GGH: variants seen among roughly 807,000 people sequenced by gnomAD.
The protein encoded by GGH is gamma-glutamyl hydrolase.
In GGH, 18 loss-of-function variants were observed where a neutral mutation model predicts 39.2. The ratio of observed to expected loss-of-function variants is 0.46; its 90% CI spans 0.32 to 0.68. The LOEUF is 0.68. GGH is among the 30% of genes least tolerant of loss of function. The pLI is 0.04. For synonymous variants in GGH, 147 were observed against 138.8 expected, an observed-to-expected ratio of 1.06 and a Z score of -0.42; for missense variants, 367 against 384.1, an observed-to-expected ratio of 0.96 and a Z score of 0.37.
In GGH at chr8:63,016,386, G is replaced by A. The variant is rs1585664257; in HGVS notation, c.836-933C>T. 2.0e-5 allele frequency among the ~76,000 whole-genome samples: 3 copies of A among 152,166 alleles called. No homozygotes were observed. The East Asian group carries it at 5.8e-4, about 29-fold the overall frequency. ...CTCAGCTCTGCATGATTCTAAAGCA[G>A]AGTGAACTCAGTAGGAAGTACTTGA... On this transcript the variant is annotated intron_variant, in intron 8 of 8. Transcript: ENST00000260118.
In GGH at chr8:63,038,686, C is replaced by T; in HGVS notation, c.83G>A (p.Gly28Asp). ...AASLELSRPH[G>D]DTAKKPIIGI... Reference sequence around the variant, plus strand: ...GATGATGGGCTTCTTGGCGGTGTCGCCGTGGGGTCTAGACAGCTCGAGGCT... The same window carrying T: ...GATGATGGGCTTCTTGGCGGTGTCGTCGTGGGGTCTAGACAGCTCGAGGCT... The change falls in exon 1 of 9, where the codon GGC (glycine) becomes GAC (aspartate). Residue 28 changes from glycine to aspartate, a missense_variant. Coordinates refer to ENST00000260118, the MANE Select transcript of GGH (RefSeq NM_003878.3). 1 of 1,548,362 alleles carries T rather than the reference C, an allele frequency of 6.5e-7. No individual in the cohort carries two copies. Among genetic ancestry groups the T allele is most frequent in the South Asian group, 1.2e-5 (1 of 83,734 alleles).
intron 7 of GGH, among the ~76,000 whole-genome samples, chr8:63,020,016 T>C (rs1338701809): frequency 6.6e-6 from 1 of 152,254 alleles, no homozygotes; most frequent in Non-Finnish European, 1.5e-5. Flanking sequence ...TTAAACTTGA[T>C]AGAGCTTATT....
intron 2 of GGH, among the ~76,000 whole-genome samples, chr8:63,035,042 C>G (rs959432682): frequency 2.0e-5 from 3 of 152,000 alleles, no homozygotes; most frequent in African/African-American, 4.8e-5. Flanking sequence ...CCCCCAACCA[C>G]TTTAGATTAT....
intron 7 of GGH, among the ~76,000 whole-genome samples, chr8:63,023,002 T>C (rs1804621955): frequency 6.6e-6 from 1 of 152,234 alleles, no homozygotes; most frequent in Non-Finnish European, 1.5e-5. Flanking sequence ...CAAGTTCTCA[T>C]TCACAGTGCT....
Position 63,023,971 on chromosome 8 carries a change from CTTT to C in GGH, c.630_632del (p.Lys212del). ...TTGTAGTTAAGACATTGAAAAACTT[CTTT>C]AACTTTTCATTCATTGTAAAATTCT... On this transcript the variant is annotated inframe_deletion, in exon 7 of 9. Coordinates refer to ENST00000260118, the MANE Select transcript of GGH (RefSeq NM_003878.3). The C allele has an allele frequency of 1.3e-6, 2 of 1,591,406 alleles. No homozygotes were observed. The highest frequency in any genetic ancestry group is 1.7e-6 in the Non-Finnish European group (2 of 1,165,784).
chr8:63,026,079 G>A (rs1207179297), intron 5 of GGH, 79 bp downstream of exon 5: 31 of 1,099,154 alleles, frequency 2.8e-5, no homozygotes, highest in East Asian at 1.1e-4. Context: ...ATAAAAATAA[G>A]CACTTTTACT....
At chr8:63,032,108 A>G (rs1406919747) in intron 2 of GGH, among the ~76,000 whole-genome samples, 5 of 152,138 alleles carry the variant, frequency 3.3e-5, no homozygotes, top group Non-Finnish European at 5.9e-5. Flanking sequence ...ATCTCAGCTC[A>G]CTGTAACCTC....
At chr8:63,020,276 T>G (rs1242931219) in intron 7 of GGH, among the ~76,000 whole-genome samples, 1 of 151,910 alleles carries the variant, frequency 6.6e-6, no homozygotes, top group Non-Finnish European at 1.5e-5. Flanking sequence ...ATTTTGGAGG[T>G]GGGAGAAAAT....
rs530977633 is a variant in GGH, at chr8:63,021,394, G to A, written c.697+2513C>T. On this transcript the variant is annotated intron_variant, in intron 7 of 8. Transcript: ENST00000260118. Reference sequence around the variant, plus strand: ...TTTAACCAATGAATAAAACTGCCAGGTAACAAAACTGGAAAATGTTTGATT... The same window carrying A: ...TTTAACCAATGAATAAAACTGCCAGATAACAAAACTGGAAAATGTTTGATT... Among the ~76,000 whole-genome samples the A allele has an allele frequency of 3.9e-5, 6 of 152,260 alleles. No individual in the cohort carries two copies. The South Asian group carries it at 1.2e-3, about 32-fold the overall frequency.
In GGH at chr8:63,022,987, C is replaced by G. The variant is rs527328232; in HGVS notation, c.697+920G>C. On this transcript the variant is annotated intron_variant, in intron 7 of 8. Coordinates refer to ENST00000260118, the MANE Select transcript of GGH (RefSeq NM_003878.3). ...GCAGGTCTGCTTCCACATCTGTTAT[C>G]TCTGCAAGTTCTCATTCACAGTGCT... is the stretch of plus-strand genomic sequence containing the variant. Among the ~76,000 whole-genome samples the G allele has an allele frequency of 2.0e-5, 3 of 152,262 alleles. No individual in the cohort carries two copies. In the East Asian group the frequency reaches 5.8e-4, roughly 29 times the overall value.
At chr8:63,030,616 T>C (rs12676348) in intron 2 of GGH, among the ~76,000 whole-genome samples, 11,688 of 152,232 alleles carry the variant, frequency 0.077, 751 homozygotes, top group East Asian at 0.34. Flanking sequence ...CCTATTTAAC[T>C]ACAGGAAGCT....
At chr8:63,016,279 C>T (rs1263310152) in intron 8 of GGH, among the ~76,000 whole-genome samples, 1 of 152,122 alleles carries the variant, frequency 6.6e-6, no homozygotes, top group Non-Finnish European at 1.5e-5. Flanking sequence ...TCCACGCACT[C>T]ATGAAAATGT....
chr8:63,019,265 G>A lies in GGH; in HGVS notation c.698-1635C>T, dbSNP rs182161806. Among the ~76,000 whole-genome samples, 15 of 152,290 alleles carry A rather than the reference G, an allele frequency of 9.8e-5. No individual in the cohort carries two copies. In the East Asian group the frequency reaches 1.4e-3, roughly 14 times the overall value. Reference sequence around the variant, plus strand: ...GTTCGTGTCTTAACTGAAGAAGATCGCAAATAAACAGCAGAACCAACAGCC... The same window carrying A: ...GTTCGTGTCTTAACTGAAGAAGATCACAAATAAACAGCAGAACCAACAGCC... On this transcript the variant is annotated intron_variant, in intron 7 of 8. Transcript: ENST00000260118.
At chr8:63,033,288 T>C (rs1173534209) in intron 2 of GGH, among the ~76,000 whole-genome samples, 1 of 152,336 alleles carries the variant, frequency 6.6e-6, no homozygotes, top group South Asian at 2.1e-4. Flanking sequence ...GGAATTGTAC[T>C]GTCTTCAATT....
chr8:63,030,426 T>C (rs1446045617), intron 2 of GGH, among the ~76,000 whole-genome samples: 1 of 152,244 alleles, frequency 6.6e-6, no homozygotes, highest in Non-Finnish European at 1.5e-5. Context: ...CAAGTAAATA[T>C]GTTTTTCTGT....
At chr8:63,017,187 T>C (rs1030238320) in intron 8 of GGH, 1 of 249,226 alleles carries the variant, frequency 4.0e-6, no homozygotes, top group African/African-American at 2.3e-5. Flanking sequence ...CAAGATCCTG[T>C]CAAAAAACAA....
chr8:63,015,539 CATT>C (rs1804470407), intron 8 of GGH, 86 bp from the exon 9 acceptor site: 10 of 746,268 alleles, frequency 1.3e-5, no homozygotes, highest in South Asian at 3.7e-5. Flanking sequence ...CTGCAATCAG[CATT>C]ATTAAGTGGG....
chr8:63,017,426 A>G, intron 8 of GGH, 67 bp downstream of exon 8: 1 of 1,047,834 alleles, frequency 9.5e-7, no homozygotes, highest in Non-Finnish European at 1.4e-6. Flanking sequence ...GGTAGGCAAA[A>G]GTTCAGATAA....
chr8:63,027,801 A>C (rs530038311), intron 3 of GGH, among the ~76,000 whole-genome samples: 4 of 152,146 alleles, frequency 2.6e-5, no homozygotes, highest in African/African-American at 4.8e-5. Flanking sequence ...ACAGTATTAG[A>C]ACATTTTTTT....
Sources: gnomAD v4.1 joint callset for allele counts (sites outside exome capture counted in the v4.1 genomes callset) on GRCh38, gnomAD v4.1.1 for gene constraint, MANE v1.5 for transcripts, NCBI Gene and HGNC (gene_info 2026-07-23, HGNC 2026-07-21) for gene names.